The following SEMA5B variants were observed in gnomAD, a reference collection of about 807,000 sequenced individuals.
SEMA5B encodes the protein semaphorin 5B.
Under a neutral mutation model 135.0 loss-of-function variants are expected in SEMA5B, and 66 were observed. The ratio of observed to expected loss-of-function variants is 0.49; its 90% confidence interval spans 0.40 to 0.60. The LOEUF (loss-of-function observed/expected upper bound fraction) is 0.60. Ranked by LOEUF, SEMA5B falls within the 20% of genes least tolerant of loss-of-function variation. SEMA5B has a pLI of 0.00. For synonymous variants in SEMA5B, 690 were observed against 639.5 expected, an observed-to-expected ratio of 1.08 and a Z score of -1.19; for missense variants, 1,501 against 1,566.3, an observed-to-expected ratio of 0.96 and a Z score of 0.70.
intron 1 of SEMA5B, among the ~76,000 whole-genome samples, chr3:122,993,950 C>A (rs988610106): frequency 2.0e-5 from 3 of 152,100 alleles, no homozygotes; most frequent in Admixed American, 2.0e-4. Flanking sequence ...GCCCCCCCAC[C>A]TCAAGCCCAC....
At chr3:123,017,434 T>G (rs1409082976) in intron 1 of SEMA5B, among the ~76,000 whole-genome samples, 1 of 152,216 alleles carries the variant, frequency 6.6e-6, no homozygotes, top group Non-Finnish European at 1.5e-5. Context: ...AAGCCAAGTC[T>G]GTCTCATTTT....
chr3:123,007,465 T>G (rs1320676653), intron 1 of SEMA5B, among the ~76,000 whole-genome samples: 2 of 152,210 alleles, frequency 1.3e-5, no homozygotes, highest in African/African-American at 4.8e-5. Context: ...GAACAACCCC[T>G]TCAAATCTCA....
intron 5 of SEMA5B, 62 bp from the exon 6 acceptor site, chr3:122,929,120 T>G: frequency 1.3e-6 from 2 of 1,517,674 alleles, no homozygotes. Flanking sequence ...TGCCACTCAC[T>G]GGCAGAGCAG....
At chr3:122,989,675 T>C (rs1941814641) in intron 1 of SEMA5B, among the ~76,000 whole-genome samples, 2 of 152,114 alleles carry the variant, frequency 1.3e-5, no homozygotes, top group Non-Finnish European at 1.5e-5. Flanking sequence ...ACTGCAAACC[T>C]CAGAGCATTA....
In SEMA5B at chr3:122,961,187, A is replaced by G. The variant is rs138667348; in HGVS notation, c.77T>C (p.Leu26Pro). Residue 26 changes from leucine to proline, a missense_variant, in exon 2 of 23, where the codon CTA (leucine) becomes CCA (proline). Leu to Pro is a moderately conservative substitution (Grantham distance 98). Coordinates refer to ENST00000357599, the MANE Select transcript of SEMA5B (RefSeq NM_001031702.4). ...GCCCCCTACTGTCCATCCACACCTT[A>G]GCTGTTGGGCTGGGGTATCAGGCGG... is the stretch of plus-strand genomic sequence containing the variant. ...PGPPDTPAQQ[L>P]RCGWTVGGWL... 8.2e-5 allele frequency: 132 copies of G among 1,613,766 alleles called. No homozygotes were observed. In the African/African-American group the frequency reaches 1.7e-3, roughly 21 times the overall value.
rs530571824 is a variant in SEMA5B at position 122,911,442 on chromosome 3, C to T, written c.3091+49G>A. ...AGAGTCCAGACTTTGGAGTGGGGTG[C>T]CGGAGGGCTGGGAGGACCGCAGCAT... On this transcript the variant is annotated intron_variant, in intron 21 of 22. Transcript: ENST00000357599. 189 of 1,585,590 alleles carry T rather than the reference C, an allele frequency of 1.2e-4. 4 individuals are homozygous for T. In the South Asian group the frequency reaches 2.1e-3, roughly 18 times the overall value.
intron 4 of SEMA5B, among the ~76,000 whole-genome samples, chr3:122,941,318 A>G (rs1394953125): frequency 6.6e-6 from 1 of 152,240 alleles, no homozygotes; most frequent in Non-Finnish European, 1.5e-5. Context: ...AGGATGCAGG[A>G]AAAAGTGTCC....
chr3:122,961,330 T>C, intron 1 of SEMA5B, 29 bp from the exon 2 acceptor site: 1 of 1,601,078 alleles, frequency 6.2e-7, no homozygotes, highest in South Asian at 1.1e-5. Context: ...GGGTAAGTCA[T>C]GGATACATGA....
intron 1 of SEMA5B, among the ~76,000 whole-genome samples, chr3:122,973,744 C>T (rs1040626436): frequency 7.9e-5 from 12 of 152,102 alleles, no homozygotes; most frequent in African/African-American, 2.9e-4. Flanking sequence ...GCCTCCCTGT[C>T]CCACTCTGGG....
At chr3:122,941,109 T>C (rs1576352034) in intron 4 of SEMA5B, among the ~76,000 whole-genome samples, 1 of 152,164 alleles carries the variant, frequency 6.6e-6, no homozygotes, top group East Asian at 1.9e-4. Flanking sequence ...GAATAAAAAA[T>C]TTCCCTAGCC....
At chr3:122,922,678 A>G (rs1938424635) in intron 10 of SEMA5B, among the ~76,000 whole-genome samples, 1 of 152,206 alleles carries the variant, frequency 6.6e-6, no homozygotes, top group Non-Finnish European at 1.5e-5. Flanking sequence ...GGATCCTGCC[A>G]GGGTTGGGGA....
intron 1 of SEMA5B, among the ~76,000 whole-genome samples, chr3:123,017,982 T>C (rs1464398787): frequency 6.6e-6 from 1 of 152,170 alleles, no homozygotes. Flanking sequence ...TGAACCTTTT[T>C]AGTGGGTCTG....
chr3:122,965,192 G>A (rs4677872), intron 1 of SEMA5B, among the ~76,000 whole-genome samples: 47,804 of 152,060 alleles, frequency 0.31, 9,293 homozygotes, highest in African/African-American at 0.55. Context: ...TCAGTGCCTC[G>A]GATTATACAA....
At chr3:122,975,988 G>T (rs940164719) in intron 1 of SEMA5B, 8 of 1,534,582 alleles carry the variant, frequency 5.2e-6, no homozygotes, top group Non-Finnish European at 7.0e-6. Context: ...TTCATGTCAT[G>T]CACTTGCCCA....
At chr3:123,014,818 C>T (rs755863859) in intron 1 of SEMA5B, among the ~76,000 whole-genome samples, 28 of 152,160 alleles carry the variant, frequency 1.8e-4, no homozygotes, top group African/African-American at 2.4e-4. Flanking sequence ...GTAGGATGAA[C>T]CGTGTCCCCC....
rs756116358 is a variant in SEMA5B, at chr3:122,915,777, C to T, written c.1802G>A (p.Cys601Tyr). Residue 601 changes from cysteine (C) to tyrosine (Y), a missense_variant, in exon 13 of 23, where the codon TGT becomes TAT. Around this residue, in one of 2 missense-constraint regions of SEMA5B, gnomAD observed 927 missense variants for 881.6 expected, o/e 1.05. Coordinates refer to ENST00000357599, the MANE Select transcript of SEMA5B (RefSeq NM_001031702.4). ...AGGACACAAGGGGATTCTCACAGGA[C>T]AGGCGGTGATGTTCTGGGTCCAGAG... ...MSLWTQNITA[C>Y]PVRNVTRDGG... The T allele has an allele frequency of 1.9e-6, 3 of 1,613,932 alleles. No homozygotes were observed. The highest frequency in any genetic ancestry group is 1.1e-5 in the South Asian group (1 of 91,072).
At chr3:122,967,194 TTTA>T (rs1227013169) in intron 1 of SEMA5B, among the ~76,000 whole-genome samples, 1 of 152,108 alleles carries the variant, frequency 6.6e-6, no homozygotes, top group Non-Finnish European at 1.5e-5. Context: ...CTTAAGAATG[TTTA>T]TTATAATAAG....
At chr3:122,997,114 C>A (rs1212219947) in intron 1 of SEMA5B, among the ~76,000 whole-genome samples, 1 of 152,210 alleles carries the variant, frequency 6.6e-6, no homozygotes, top group African/African-American at 2.4e-5. Context: ...TTGTGTGGCA[C>A]TATGGTTTGT....
chr3:122,943,001 G>C (rs886243643), intron 4 of SEMA5B, among the ~76,000 whole-genome samples: 1 of 152,222 alleles, frequency 6.6e-6, no homozygotes, highest in Middle Eastern at 3.2e-3. Flanking sequence ...AGGTAGGTGA[G>C]GTCCTTCGGG....
Sources: gnomAD v4.1 joint callset for allele counts (sites outside exome capture counted in the v4.1 genomes callset) on GRCh38, gnomAD v4.1.1 for gene constraint, gnomAD v4.1.1 regional missense constraint, MANE v1.5 for transcripts, NCBI Gene and HGNC (gene_info 2026-07-23, HGNC 2026-07-21) for gene names.